The following CARS2 variants were observed in gnomAD, a reference collection of about 807,000 sequenced individuals.
CARS2 encodes probable cysteine--tRNA ligase, mitochondrial.
Under a neutral mutation model 68.8 loss-of-function variants are expected in CARS2, and 52 were observed. That is an observed-to-expected ratio of 0.76 (90% CI 0.61 to 0.95). The LOEUF (loss-of-function observed/expected upper bound fraction) is 0.95. Ranked by LOEUF, CARS2 falls within the 40% of genes least tolerant of loss-of-function variation. The pLI is 0.00. For missense variants in CARS2, 780 were observed against 754.2 expected (o/e 1.03, Z -0.40); for synonymous variants, 314 against 303.6 (o/e 1.03, Z -0.36).
chr13:110,674,326 G>C (rs1026117753), intron 7 of CARS2, among the ~76,000 whole-genome samples: 1 of 151,768 alleles, frequency 6.6e-6, no homozygotes, highest in Non-Finnish European at 1.5e-5. Flanking sequence ...ATACTACAAG[G>C]CTACAGTAAC....
At chr13:110,654,008 C>A (rs1472892480) in intron 9 of CARS2, among the ~76,000 whole-genome samples, 1 of 152,228 alleles carries the variant, frequency 6.6e-6, no homozygotes, top group African/African-American at 2.4e-5. Context: ...AGGAGGTAAG[C>A]AATCTCCCAG....
chr13:110,695,694 A>G (rs1187803601), intron 3 of CARS2, among the ~76,000 whole-genome samples: 1 of 152,156 alleles, frequency 6.6e-6, no homozygotes, highest in Non-Finnish European at 1.5e-5. Flanking sequence ...CGTAAATTTT[A>G]TATTATAAAA....
intron 3 of CARS2, among the ~76,000 whole-genome samples, chr13:110,697,066 G>C (rs2063644095): frequency 6.6e-6 from 1 of 152,198 alleles, no homozygotes; most frequent in Non-Finnish European, 1.5e-5. Flanking sequence ...AGGACATGGG[G>C]ACTGACACAA....
intron 11 of CARS2, chr13:110,646,435 CAA>C (rs1355046907): frequency 5.4e-6 from 1 of 183,650 alleles, no homozygotes; most frequent in East Asian, 1.6e-4. Context: ...TGACCACTCA[CAA>C]AGAGAGGCTG....
intron 3 of CARS2, among the ~76,000 whole-genome samples, chr13:110,696,954 T>A (rs1305517521): frequency 1.3e-5 from 2 of 152,158 alleles, no homozygotes; most frequent in Non-Finnish European, 1.5e-5. Context: ...GTACACTGTG[T>A]CCTCACCTCT....
intron 14 of CARS2, among the ~76,000 whole-genome samples, chr13:110,641,978 GATC>G (rs2139665291): frequency 6.6e-6 from 1 of 152,290 alleles, no homozygotes; most frequent in African/African-American, 2.4e-5. Context: ...GAGGTGGGAG[GATC>G]ACCTGAGGTC....
At chr13:110,641,765 A>G (rs556874865) in intron 14 of CARS2, among the ~76,000 whole-genome samples, 157 bp from the exon 15 acceptor site, 5 of 152,350 alleles carry the variant, frequency 3.3e-5, no homozygotes, top group Admixed American at 1.3e-4. Context: ...CCTCCAGCAG[A>G]AGGCCAGGAG....
At chr13:110,662,309 A>G (rs2986101) in intron 9 of CARS2, among the ~76,000 whole-genome samples, 30,450 of 141,646 alleles carry the variant, frequency 0.21, 3,542 homozygotes, top group Admixed American at 0.31. Flanking sequence ...ATGCAACCCC[A>G]TGGCCGGCTT....
chr13:110,654,736 A>T (rs1481845797), intron 9 of CARS2, among the ~76,000 whole-genome samples: 1 of 151,802 alleles, frequency 6.6e-6, no homozygotes, highest in African/African-American at 2.4e-5. Context: ...TGGGCAACAT[A>T]GTGAGACTTC....
At chr13:110,649,931 CTTTTTTTTT>C (rs59276783) in intron 10 of CARS2, among the ~76,000 whole-genome samples, 1 of 73,146 alleles carries the variant, frequency 1.4e-5, no homozygotes, top group Admixed American at 1.5e-4. Context: ...TGGATAACGA[CTTTTTTTTT>C]TTTTTTTTTT....
chr13:110,702,621 C>G (rs1360835290), intron 2 of CARS2, among the ~76,000 whole-genome samples: 2 of 152,192 alleles, frequency 1.3e-5, no homozygotes, highest in African/African-American at 2.4e-5. Flanking sequence ...CAGAGGAGCC[C>G]AGGCTGAGTC....
chr13:110,654,102 G>A (rs2062299095), intron 9 of CARS2, among the ~76,000 whole-genome samples: 1 of 152,164 alleles, frequency 6.6e-6, no homozygotes, highest in African/African-American at 2.4e-5. Flanking sequence ...GAGGTAACAG[G>A]GTGCACACTC....
rs557549220 is a variant in CARS2, at chr13:110,670,667, C to T, written c.786-3194G>A. 1.2e-4 allele frequency among the ~76,000 whole-genome samples: 19 copies of T among 152,172 alleles called. No individual in the cohort carries two copies. The highest frequency in any genetic ancestry group is 4.3e-4 in the African/African-American group (18 of 41,506). ...GAGCGCCTCTTCTCCTCCAAAGAAA[C>T]GCAGCTCCTCACCAGCAATGGAACA... On this transcript the variant is annotated intron_variant, in intron 7 of 14. Transcript: ENST00000257347. This position sits in a 1 kb window ranked among gnomAD's most constrained non-coding sequence, Gnocchi z 4.1.
chr13:110,709,251 T>C (rs931622147), upstream of CARS2, among the ~76,000 whole-genome samples: 2 of 151,868 alleles, frequency 1.3e-5, no homozygotes, highest in Non-Finnish European at 2.9e-5. Flanking sequence ...TGTGCCACCA[T>C]GCCCAGCTAA....
intron 3 of CARS2, among the ~76,000 whole-genome samples, chr13:110,689,509 G>C (rs1360840392): frequency 1.3e-5 from 2 of 152,258 alleles, no homozygotes; most frequent in Non-Finnish European, 2.9e-5. Flanking sequence ...AAGCAAGCTG[G>C]TGAACTATGC....
chr13:110,675,864 A>C (rs2062934047), intron 7 of CARS2, among the ~76,000 whole-genome samples: 1 of 152,154 alleles, frequency 6.6e-6, no homozygotes, highest in African/African-American at 2.4e-5. Context: ...ACGGTAACAA[A>C]CTAACCGTGG....
intron 9 of CARS2, among the ~76,000 whole-genome samples, chr13:110,657,299 T>C (rs2062396093): frequency 6.6e-6 from 1 of 152,254 alleles, no homozygotes; most frequent in Admixed American, 6.5e-5. Context: ...TGAAAAAGCG[T>C]AGACGCAGTG....
intron 12 of CARS2, chr13:110,644,732 G>A (rs922420094): frequency 2.0e-6 from 1 of 497,826 alleles, no homozygotes; most frequent in African/African-American, 1.9e-5. Flanking sequence ...TAGCTCATCA[G>A]GCTTCGCGGG....
chr13:110,654,952 GAAAAAGAA>G (rs1363370557), intron 9 of CARS2, among the ~76,000 whole-genome samples: 5 of 77,220 alleles, frequency 6.5e-5, no homozygotes, highest in South Asian at 8.8e-4. Context: ...GAAAAAAAAA[GAAAAAGAA>G]AAAAAGGAAA....
Sources: allele counts gnomAD v4.1 joint callset (sites outside exome capture counted in the v4.1 genomes callset), GRCh38; gene constraint gnomAD v4.1.1; non-coding constraint Gnocchi (gnomAD v3.1); transcripts MANE v1.5; gene names NCBI Gene and HGNC (gene_info 2026-07-23, HGNC 2026-07-21).